MTR: variants seen among roughly 807,000 people sequenced by gnomAD.
The protein encoded by MTR is methionine synthase.
Under a neutral mutation model 154.8 loss-of-function variants are expected in MTR, and 84 were observed. The ratio of observed to expected loss-of-function variants is 0.54; its 90% CI spans 0.45 to 0.65. The LOEUF (loss-of-function observed/expected upper bound fraction) is 0.65. MTR is among the 30% of genes least tolerant of loss of function. The pLI, the probability that MTR is intolerant of heterozygous loss-of-function variation, is 0.00. For missense variants in MTR, 1,275 were observed against 1,570.2 expected, an observed-to-expected ratio of 0.81 and a Z score of 3.18; for synonymous variants, 554 against 553.9, an observed-to-expected ratio of 1.00 and a Z score of 0.00.
chr1:236,881,930 A>G (rs1398616217), intron 25 of MTR, among the ~76,000 whole-genome samples: 1 of 152,138 alleles, frequency 6.6e-6, no homozygotes, highest in Non-Finnish European at 1.5e-5. Context: ...CTCTGCTGAG[A>G]CCACACGTCT....
intron 18 of MTR, 98 bp from the exon 19 acceptor site, chr1:236,859,735 A>C: frequency 3.2e-6 from 3 of 949,528 alleles, no homozygotes; most frequent in Non-Finnish European, 3.4e-6. Flanking sequence ...TAAAAGAAGA[A>C]TAAGACACAG....
At position 236,835,663 on chromosome 1, in the gene MTR, T is replaced by C. The variant is rs775502272; in HGVS notation, c.1305T>C (p.Ile435=). 3.8e-5 allele frequency: 61 copies of C among 1,612,264 alleles called. 1 individual carries two copies. Among genetic ancestry groups the C allele is most frequent in the Non-Finnish European group, 1.7e-6 (2 of 1,179,720 alleles). ...PSAMTRFCNL[I]ASEPDIAKVP... is the part of the protein sequence containing the mutation. Reference sequence around the variant, plus strand: ...CAATGACCAGATTTTGCAACTTAATTGCTTCCGAGCCAGACATCGCAAAGG... The same window carrying C: ...CAATGACCAGATTTTGCAACTTAATCGCTTCCGAGCCAGACATCGCAAAGG... Residue 435 remains isoleucine (I), a synonymous_variant, in exon 14 of 33, where the codon ATT becomes ATC. Transcript: ENST00000366577.
At position 236,901,569 on chromosome 1, in the gene MTR, A is replaced by C. The variant is rs1414870894; in HGVS notation, c.*3925A>C. On this transcript the variant is annotated 3_prime_UTR_variant, in exon 33 of 33. Transcript: ENST00000366577. ...TCCTGCTCCTGTAACAAAATACCAC[A>C]AACTGGTTAGCTTATAGAGAACAGA... 6.6e-6 allele frequency: 1 copy of C among 152,190 alleles called. No homozygotes were observed. The highest frequency in any genetic ancestry group is 2.4e-5 in the African/African-American group (1 of 41,430). The allele number at this position is 152,190 out of a possible 1,614,324, so 9.4% of individuals were successfully genotyped here. A position where few individuals can be genotyped will look rare whatever the true frequency, so the allele number is the denominator to read the frequency against.
intron 14 of MTR, among the ~76,000 whole-genome samples, chr1:236,836,915 C>T (rs1470500377): frequency 6.6e-6 from 1 of 152,184 alleles, no homozygotes; most frequent in African/African-American, 2.4e-5. Context: ...TTCCTCATCT[C>T]TAAAATGGGA....
chr1:236,849,124 C>T (rs1369800703), intron 15 of MTR, among the ~76,000 whole-genome samples: 1 of 152,144 alleles, frequency 6.6e-6, no homozygotes, highest in Non-Finnish European at 1.5e-5. Flanking sequence ...AGAAATAATT[C>T]AGGATGTAAT....
chr1:236,864,478 T>C (rs1664722050), intron 22 of MTR, among the ~76,000 whole-genome samples: 1 of 152,210 alleles, frequency 6.6e-6, no homozygotes, highest in Non-Finnish European at 1.5e-5. Context: ...GGAAGGCATT[T>C]TTTTTTCCCT....
At chr1:236,893,321 C>T (rs974152360) in intron 29 of MTR, among the ~76,000 whole-genome samples, 4 of 152,172 alleles carry the variant, frequency 2.6e-5, no homozygotes, top group Non-Finnish European at 5.9e-5. Context: ...TGAAGCTGTA[C>T]TTGCTTCCAC....
chr1:236,830,584 T>C (rs1662554014), intron 12 of MTR, among the ~76,000 whole-genome samples: 1 of 152,234 alleles, frequency 6.6e-6, no homozygotes, highest in Admixed American at 6.5e-5. Flanking sequence ...GAGAGAAGTG[T>C]GATCTTTGTA....
intron 8 of MTR, among the ~76,000 whole-genome samples, chr1:236,817,415 C>T (rs1033750703): frequency 6.6e-6 from 1 of 152,014 alleles, no homozygotes; most frequent in Non-Finnish European, 1.5e-5. Context: ...TAGCGCAGGT[C>T]GATGTTCTTC....
chr1:236,879,718 A>G (rs1337101904), intron 24 of MTR, among the ~76,000 whole-genome samples: 1 of 152,244 alleles, frequency 6.6e-6, no homozygotes, highest in East Asian at 1.9e-4. Flanking sequence ...CTATTGCTGT[A>G]AACATGCAGT....
chr1:236,814,632 AT>A (rs532715817), intron 6 of MTR, among the ~76,000 whole-genome samples: 49 of 152,298 alleles, frequency 3.2e-4, no homozygotes, highest in Non-Finnish European at 6.8e-4. Context: ...ATCATCCAAA[AT>A]TCTGGAGTGC....
At chr1:236,799,629 A>G (rs1189529382) in intron 1 of MTR, among the ~76,000 whole-genome samples, 1 of 152,136 alleles carries the variant, frequency 6.6e-6, no homozygotes, top group African/African-American at 2.4e-5. Flanking sequence ...TTCACATTGT[A>G]TATTACATTC....
chr1:236,872,698 G>T (rs1665204193), intron 22 of MTR, among the ~76,000 whole-genome samples: 1 of 152,088 alleles, frequency 6.6e-6, no homozygotes, highest in South Asian at 2.1e-4. Context: ...GTTTAAATGA[G>T]ATCATTTATG....
At chr1:236,870,349 T>C (rs1462002976) in intron 22 of MTR, among the ~76,000 whole-genome samples, 2 of 152,254 alleles carry the variant, frequency 1.3e-5, no homozygotes, top group East Asian at 3.8e-4. Flanking sequence ...TGCTGATCTC[T>C]CCTTCTGGGA....
intron 8 of MTR, among the ~76,000 whole-genome samples, chr1:236,823,038 T>C (rs1231807407): frequency 1.3e-5 from 2 of 152,180 alleles, no homozygotes; most frequent in Non-Finnish European, 2.9e-5. Flanking sequence ...TTTTAATGAA[T>C]GAGTATTGGA....
chr1:236,877,925 T>G (rs929019519), intron 24 of MTR, among the ~76,000 whole-genome samples: 1 of 152,214 alleles, frequency 6.6e-6, no homozygotes, highest in Non-Finnish European at 1.5e-5. Context: ...TGCTATGGTT[T>G]TCGTTTGCAT....
intron 24 of MTR, among the ~76,000 whole-genome samples, chr1:236,876,563 T>A (rs900071435): frequency 1.3e-5 from 2 of 152,198 alleles, no homozygotes; most frequent in African/African-American, 4.8e-5. Flanking sequence ...TAAAATACAT[T>A]ATGTGTTATG....
At position 236,894,396 on chromosome 1, in the gene MTR, CT is replaced by C; in HGVS notation, c.3245del (p.Leu1082ProfsTer26). ...TGCCAGCACGGAGCCATACTACTGC[CT>C]CTCAGACTTCATCGCTCCCTTGCAT... is the stretch of plus-strand genomic sequence containing the variant. ...DSASTEPYYC[L>X]SDFIAPLHSG... On this transcript the variant is annotated frameshift_variant, in exon 30 of 33. Coordinates refer to ENST00000366577, the MANE Select transcript of MTR (RefSeq NM_000254.3). LOFTEE classifies it high-confidence loss of function. 6.2e-7 allele frequency: 1 copy of C among 1,614,248 alleles called. No individual in the cohort carries two copies.
Position 236,835,612 on chromosome 1 carries a change from T to C in MTR, c.1254T>C (p.Asp418=). The C allele has an allele frequency of 6.2e-7, 1 of 1,610,852 alleles. No homozygotes were observed. The highest frequency in any genetic ancestry group is 8.5e-7 in the Non-Finnish European group (1 of 1,179,438). ...MGAQVLDVNM[D]DGMLDGPSAM... ...CCCAGGTGTTGGATGTCAACATGGA[T>C]GATGGCATGCTAGATGGTCCAAGTG... Residue 418 remains aspartate (D), a synonymous_variant, in exon 14 of 33, where the codon GAT becomes GAC. Coordinates refer to ENST00000366577, the MANE Select transcript of MTR (RefSeq NM_000254.3).
Sources: gnomAD v4.1 joint callset for allele counts (sites outside exome capture counted in the v4.1 genomes callset) on GRCh38, gnomAD v4.1.1 for gene constraint, MANE v1.5 for transcripts, NCBI Gene and HGNC (gene_info 2026-07-23, HGNC 2026-07-21) for gene names.